Variants in TUBGCP4 observed in about 807,000 individuals in gnomAD.
The protein encoded by TUBGCP4 is gamma-tubulin complex component 4.
Under a neutral mutation model 91.6 loss-of-function variants are expected in TUBGCP4, and 54 were observed. The ratio of observed to expected loss-of-function variants is 0.59; its 90% CI spans 0.47 to 0.74. TUBGCP4 has a LOEUF of 0.74. TUBGCP4 is among the 30% of genes least tolerant of loss of function. The pLI is 0.00. For missense variants in TUBGCP4, 593 were observed against 800.9 expected (o/e 0.74, Z 3.13); for synonymous variants, 297 against 302.8 (o/e 0.98, Z 0.20).
chr15:43,381,267 C>T (rs1404533585), intron 6 of TUBGCP4, among the ~76,000 whole-genome samples: 2 of 152,162 alleles, frequency 1.3e-5, no homozygotes, highest in African/African-American at 2.4e-5. Flanking sequence ...AGGGACCAAA[C>T]TTTACAGACC....
intron 15 of TUBGCP4, chr15:43,403,322 G>C (rs902988810): frequency 5.5e-6 from 1 of 180,334 alleles, no homozygotes; most frequent in Non-Finnish European, 1.2e-5. Flanking sequence ...CACTGAGAGA[G>C]TGGGACTTGA....
At position 43,379,640 on chromosome 15, in the gene TUBGCP4, CA is replaced by C. The variant is rs1166566829; in HGVS notation, c.442-422del. Among the ~76,000 whole-genome samples, 551 of 62,296 alleles carry C rather than the reference CA, an allele frequency of 8.8e-3. 1 individual carries two copies. The highest frequency in any genetic ancestry group is 0.012 in the Non-Finnish European group (277 of 22,540). The allele number at this position is 62,296 out of a possible 152,430, so 40.9% of individuals were successfully genotyped here. On this transcript the variant is annotated intron_variant, in intron 5 of 17. Coordinates refer to ENST00000564079, the MANE Select transcript of TUBGCP4 (RefSeq NM_014444.5). ...TGGGCGACAGAGCAAGACTCCGTCT[CA>C]AAAAAAAAAAAAAAAAAAAAAGTCT...
chr15:43,407,130 G>A lies in TUBGCP4; in HGVS notation c.*1916G>A. On this transcript the variant is annotated 3_prime_UTR_variant, in exon 18 of 18. Transcript: ENST00000564079. ...CCAGCTGTCCTCCGTAAGTGAATAAGCCTGTTGAAAGACTCAGAGAAAGTA... is the reference window on the plus strand; with the variant it reads ...CCAGCTGTCCTCCGTAAGTGAATAAACCTGTTGAAAGACTCAGAGAAAGTA... 4.7e-6 allele frequency: 2 copies of A among 421,728 alleles called. No homozygotes were observed. The highest frequency in any genetic ancestry group is 3.4e-5 in the South Asian group (1 of 29,792). 26.1% of individuals were successfully genotyped at this position (421,728 alleles called of 1,614,324 possible).
chr15:43,404,354 C>G (rs2044783746), intron 16 of TUBGCP4, 59 bp from the exon 17 acceptor site: 1 of 1,597,392 alleles, frequency 6.3e-7, no homozygotes, highest in African/African-American at 1.3e-5. Flanking sequence ...CGCCCCCATC[C>G]TCCATATGGA....
At chr15:43,392,121 TA>T (rs1451583400) in intron 9 of TUBGCP4, among the ~76,000 whole-genome samples, 38 of 133,016 alleles carry the variant, frequency 2.9e-4, no homozygotes, top group Non-Finnish European at 5.3e-4. Flanking sequence ...CACACACACA[TA>T]TTTTTTTTTG....
chr15:43,398,104 G>C lies in TUBGCP4; in HGVS notation c.1343G>C (p.Gly448Ala). The change falls in exon 13 of 18, where the codon GGC (glycine) becomes GCC (alanine). Residue 448 changes from glycine (G) to alanine (A), a missense_variant. Coordinates refer to ENST00000564079, the MANE Select transcript of TUBGCP4 (RefSeq NM_014444.5). ...TCTCCCCGGGAAGCCCCTGCATCTGGCTGGGCAGCCCTAGGTCTTTCCTAC... is the reference window on the plus strand; with the variant it reads ...TCTCCCCGGGAAGCCCCTGCATCTGCCTGGGCAGCCCTAGGTCTTTCCTAC... The part of the protein sequence containing the change: ...ETSPREAPAS[G>A]WAALGLSYKV... 5 of 1,614,066 alleles carry C rather than the reference G, an allele frequency of 3.1e-6. No individual in the cohort carries two copies. The highest frequency in any genetic ancestry group is 4.2e-6 in the Non-Finnish European group (5 of 1,179,974).
intron 9 of TUBGCP4, among the ~76,000 whole-genome samples, chr15:43,393,452 T>C (rs1402430829): frequency 6.6e-6 from 1 of 151,906 alleles, no homozygotes; most frequent in Admixed American, 6.6e-5. Context: ...TTTTTAATTT[T>C]ATTATTATTA....
In TUBGCP4 at chr15:43,406,066, GTAT is replaced by G. The variant is rs1321308892; in HGVS notation, c.*857_*859del. 2 of 118,046 alleles carry G rather than the reference GTAT, an allele frequency of 1.7e-5. No individual in the cohort carries two copies. Among genetic ancestry groups the G allele is most frequent in the Non-Finnish European group, 3.6e-5 (2 of 56,280 alleles). 7.3% of individuals were successfully genotyped at this position (118,046 alleles called of 1,614,324 possible). On this transcript the variant is annotated 3_prime_UTR_variant, in exon 18 of 18. Coordinates refer to ENST00000564079, the MANE Select transcript of TUBGCP4 (RefSeq NM_014444.5). The stretch of plus-strand genomic sequence containing the variant: ...AAAAAAAAAAAAAAAAAAAAAAAAA[GTAT>G]TATTCTCCAAGAAAAAGGTCCTTAA...
Position 43,409,754 on chromosome 15 carries a change from A to G in TUBGCP4, c.*4540A>G. 2 of 1,389,388 alleles carry G rather than the reference A, an allele frequency of 1.4e-6. No individual in the cohort carries two copies. Among genetic ancestry groups the G allele is most frequent in the Non-Finnish European group, 2.0e-6 (2 of 1,014,552 alleles). The allele number at this position is 1,389,388 out of a possible 1,614,324, so 86.1% of individuals were successfully genotyped here. A position where few individuals can be genotyped will look rare whatever the true frequency, so the allele number is the denominator to read the frequency against. On this transcript the variant is annotated 3_prime_UTR_variant, in exon 18 of 18. Coordinates refer to ENST00000564079, the MANE Select transcript of TUBGCP4 (RefSeq NM_014444.5). ...ATTTCCAAAAATTCTATATTAAAAA[A>G]AAAAACCAAGATAATAATTACTGAG...
At chr15:43,379,854 A>C (rs769899692) in intron 5 of TUBGCP4, among the ~76,000 whole-genome samples, 6 of 152,144 alleles carry the variant, frequency 3.9e-5, no homozygotes, top group Non-Finnish European at 5.9e-5. Context: ...GCTTGTGGAA[A>C]CACTGAGTGC....
intron 1 of TUBGCP4, among the ~76,000 whole-genome samples, chr15:43,372,518 A>T (rs1262443158): frequency 6.6e-6 from 1 of 150,546 alleles, no homozygotes; most frequent in Non-Finnish European, 1.5e-5. Flanking sequence ...TTCTCCATAG[A>T]TCTTAGTACA....
chr15:43,408,730 T>C lies in TUBGCP4; in HGVS notation c.*3516T>C. 1 of 655,440 alleles carries C rather than the reference T, an allele frequency of 1.5e-6. No individual in the cohort carries two copies. The highest frequency in any genetic ancestry group is 2.6e-6 in the Non-Finnish European group (1 of 386,276). 40.6% of individuals were successfully genotyped at this position (655,440 alleles called of 1,614,324 possible). A position where few individuals can be genotyped will look rare whatever the true frequency, so the allele number is the denominator to read the frequency against. ...CAAAAGGTTCCTAGCCAATGTAACC[T>C]AGGGAAATAAACTAGATAAACTCCT... On this transcript the variant is annotated 3_prime_UTR_variant, in exon 18 of 18. Coordinates refer to ENST00000564079, the MANE Select transcript of TUBGCP4 (RefSeq NM_014444.5).
chr15:43,393,686 A>G (rs1048730755), intron 9 of TUBGCP4, among the ~76,000 whole-genome samples: 3 of 152,050 alleles, frequency 2.0e-5, no homozygotes, highest in Admixed American at 1.3e-4. Context: ...TATGAGTGAG[A>G]ACATGCGGTG....
At chr15:43,398,682 G>T (rs184950294) in intron 13 of TUBGCP4, among the ~76,000 whole-genome samples, 93 of 152,216 alleles carry the variant, frequency 6.1e-4, no homozygotes, top group Non-Finnish European at 9.3e-4. Flanking sequence ...CATCACACCT[G>T]ACAAGGTCTC....
intron 8 of TUBGCP4, 71 bp from the exon 9 acceptor site, chr15:43,386,135 C>T: frequency 6.5e-7 from 1 of 1,547,538 alleles, no homozygotes; most frequent in African/African-American, 1.4e-5. Context: ...CTGAGATTAG[C>T]CCTCCCCAGA....
chr15:43,392,444 T>G (rs1362462380), intron 9 of TUBGCP4, among the ~76,000 whole-genome samples: 4 of 152,180 alleles, frequency 2.6e-5, no homozygotes, highest in Non-Finnish European at 5.9e-5. Context: ...CTTTGGAATC[T>G]ATTGCAGGTT....
intron 9 of TUBGCP4, 23 bp downstream of exon 9, chr15:43,386,353 A>G (rs1222705965): frequency 1.0e-4 from 5 of 49,482 alleles, no homozygotes; most frequent in Admixed American, 4.7e-4. Context: ...TCGTATATAT[A>G]TATATATATA....
In TUBGCP4 at chr15:43,407,632, G is replaced by A. The variant is rs1342676326; in HGVS notation, c.*2418G>A. 2.0e-6 allele frequency: 3 copies of A among 1,484,206 alleles called. No individual in the cohort carries two copies. Among genetic ancestry groups the A allele is most frequent in the Non-Finnish European group, 1.8e-6 (2 of 1,095,974 alleles). The allele number at this position is 1,484,206 out of a possible 1,614,324, so 91.9% of individuals were successfully genotyped here. On this transcript the variant is annotated 3_prime_UTR_variant, in exon 18 of 18. Coordinates refer to ENST00000564079, the MANE Select transcript of TUBGCP4 (RefSeq NM_014444.5). ...ACTCAACTTAGCCCTCCATTAGAAA[G>A]AGAGATTTGATTCTAACCAATACAT...
At chr15:43,400,278 G>A in intron 14 of TUBGCP4, 57 bp downstream of exon 14, 2 of 1,524,306 alleles carry the variant, frequency 1.3e-6, no homozygotes, top group South Asian at 1.2e-5. Flanking sequence ...TAGGAGGTTG[G>A]CAGGGAGTAT....
Sources: gnomAD v4.1 joint callset for allele counts (sites outside exome capture counted in the v4.1 genomes callset) on GRCh38, gnomAD v4.1.1 for gene constraint, MANE v1.5 for transcripts, NCBI Gene and HGNC (gene_info 2026-07-23, HGNC 2026-07-21) for gene names.